Variants in ARHGAP44 observed in about 807,000 individuals in gnomAD.
ARHGAP44 encodes the protein rho GTPase-activating protein 44.
ARHGAP44 carries 43 observed loss-of-function variants against 106.8 expected under a neutral mutation model. The ratio of observed to expected loss-of-function variants is 0.40; its 90% confidence interval spans 0.32 to 0.52. ARHGAP44 has a LOEUF of 0.52. Ranked by LOEUF, ARHGAP44 falls within the 20% of genes least tolerant of loss-of-function variation. ARHGAP44 has a pLI of 0.48. For missense variants in ARHGAP44, 866 were observed against 1,050.5 expected (o/e 0.82, Z 2.43); for synonymous variants, 439 against 410.3 (o/e 1.07, Z -0.85).
At chr17:12,939,767 A>G (rs917067597) in intron 7 of ARHGAP44, among the ~76,000 whole-genome samples, 5 of 152,190 alleles carry the variant, frequency 3.3e-5, no homozygotes, top group Non-Finnish European at 5.9e-5. Flanking sequence ...CGCCCGGCCA[A>G]TGAATCTTAA....
rs72813124 is a variant in ARHGAP44 at position 12,804,732 on chromosome 17, C to G, written c.53+14841C>G. Among the ~76,000 whole-genome samples the G allele has an allele frequency of 6.4e-3, 970 of 152,290 alleles. 4 individuals carry two copies. The highest frequency in any genetic ancestry group is 8.2e-3 in the Non-Finnish European group (557 of 68,032). ...TTTCCATTTATCGAAACTGTTCTTT[C>G]AGATTCAAGAGTGCTGGTTCACACT... On this transcript the variant is annotated intron_variant, in intron 1 of 20. Coordinates refer to ENST00000379672, the MANE Select transcript of ARHGAP44 (RefSeq NM_014859.6).
intron 20 of ARHGAP44, chr17:12,988,448 A>G (rs1221937578): frequency 1.3e-5 from 2 of 152,232 alleles, no homozygotes; most frequent in African/African-American, 4.8e-5. Context: ...GTGTAGAGAC[A>G]TGACCCAAGT....
At chr17:12,843,039 A>T (rs529333328) in intron 1 of ARHGAP44, among the ~76,000 whole-genome samples, 80 of 152,268 alleles carry the variant, frequency 5.3e-4, no homozygotes, top group African/African-American at 1.7e-3. Context: ...TCCCATTCAT[A>T]TAGCTCTCCT....
At chr17:12,811,793 A>T (rs1254190420) in intron 1 of ARHGAP44, among the ~76,000 whole-genome samples, 1 of 152,158 alleles carries the variant, frequency 6.6e-6, no homozygotes, top group African/African-American at 2.4e-5. Flanking sequence ...TGTTTGGCTT[A>T]TAGGCACATT....
At chr17:12,985,142 C>G (rs890429629) in intron 20 of ARHGAP44, 3 of 515,432 alleles carry the variant, frequency 5.8e-6, no homozygotes, top group Non-Finnish European at 1.0e-5. Context: ...GGTCTAAGCC[C>G]ACCAGCCTGG....
At chr17:12,905,013 T>G (rs2037505098) in intron 3 of ARHGAP44, among the ~76,000 whole-genome samples, 1 of 151,834 alleles carries the variant, frequency 6.6e-6, no homozygotes, top group Non-Finnish European at 1.5e-5. Flanking sequence ...GCAATTCTCC[T>G]GCCTCAGCCT....
Position 12,949,565 on chromosome 17 carries a change from G to A in ARHGAP44, c.974-84G>A. 1 of 1,313,660 alleles carries A rather than the reference G, an allele frequency of 7.6e-7. No homozygotes were observed. Among genetic ancestry groups the A allele is most frequent in the Non-Finnish European group, 1.1e-6 (1 of 927,746 alleles). 81.4% of individuals were successfully genotyped at this position (1,313,660 alleles called of 1,614,324 possible). A position where few individuals can be genotyped will look rare whatever the true frequency, so the allele number is the denominator to read the frequency against. ...TGGTCAGGAGGCCCATCCCCAGATG[G>A]AACCCACATAGGCAGTGCTGGCTGG... On this transcript the variant is annotated intron_variant, in intron 11 of 20. Transcript: ENST00000379672. This position sits in a 1 kb window ranked among gnomAD's most constrained non-coding sequence, Gnocchi z 4.1.
chr17:12,965,042 G>C (rs1189047796), intron 16 of ARHGAP44, among the ~76,000 whole-genome samples: 1 of 152,072 alleles, frequency 6.6e-6, no homozygotes, highest in Non-Finnish European at 1.5e-5. Context: ...TTGCCTGCTG[G>C]CTTGTCCATC....
At chr17:12,884,770 A>G (rs1357223933) in intron 1 of ARHGAP44, among the ~76,000 whole-genome samples, 1 of 152,134 alleles carries the variant, frequency 6.6e-6, no homozygotes, top group African/African-American at 2.4e-5. Flanking sequence ...TGCCTTATAA[A>G]TGAAATCATT....
chr17:12,990,943 T>A lies in ARHGAP44; in HGVS notation c.*772T>A, dbSNP rs1230082344. 6.6e-6 allele frequency: 1 copy of A among 152,532 alleles called. No individual in the cohort carries two copies. The highest frequency in any genetic ancestry group is 1.5e-5 in the Non-Finnish European group (1 of 68,024). 9.4% of individuals were successfully genotyped at this position (152,532 alleles called of 1,614,324 possible). On this transcript the variant is annotated 3_prime_UTR_variant, in exon 21 of 21. Coordinates refer to ENST00000379672, the MANE Select transcript of ARHGAP44 (RefSeq NM_014859.6). ...CCCAAATATATTGGCTATATGAGAGTAATTTTACCCCTCTACGTACCTAAA... is the reference window on the plus strand; with the variant it reads ...CCCAAATATATTGGCTATATGAGAGAAATTTTACCCCTCTACGTACCTAAA...
At position 12,977,084 on chromosome 17, in the gene ARHGAP44, C is replaced by A. The variant is rs551684600; in HGVS notation, c.1763+2774C>A. 8.5e-5 allele frequency among the ~76,000 whole-genome samples: 13 copies of A among 152,128 alleles called. No individual in the cohort carries two copies. The South Asian group carries it at 2.7e-3, about 32-fold the overall frequency. On this transcript the variant is annotated intron_variant, in intron 18 of 20. Transcript: ENST00000379672. ...GGAACATTCTCGGTGGGTGACCTTG[C>A]AGAGTTACTTGTGGGCAGGCAATGG...
intron 1 of ARHGAP44, among the ~76,000 whole-genome samples, chr17:12,875,997 T>G (rs1166578413): frequency 6.6e-6 from 1 of 152,240 alleles, no homozygotes; most frequent in Non-Finnish European, 1.5e-5. Flanking sequence ...TATTCCATCA[T>G]GTGGGTCACA....
At chr17:12,947,531 G>T (rs1012229222) in intron 10 of ARHGAP44, among the ~76,000 whole-genome samples, 2 of 152,082 alleles carry the variant, frequency 1.3e-5, no homozygotes, top group African/African-American at 4.8e-5. Context: ...GGCTTCACTC[G>T]TGCTCACTGC....
At chr17:12,977,849 C>G (rs765974250) in intron 18 of ARHGAP44, among the ~76,000 whole-genome samples, 2 of 151,934 alleles carry the variant, frequency 1.3e-5, no homozygotes, top group Non-Finnish European at 2.9e-5. Flanking sequence ...GCCATCCTGG[C>G]CAACATGGTG....
intron 1 of ARHGAP44, among the ~76,000 whole-genome samples, chr17:12,852,507 A>G (rs1490517702): frequency 6.8e-6 from 1 of 147,922 alleles, no homozygotes; most frequent in African/African-American, 2.5e-5. Flanking sequence ...GAAAATATAC[A>G]TATATTTCTT....
At chr17:12,960,432 G>T (rs980613291) in intron 16 of ARHGAP44, among the ~76,000 whole-genome samples, 39 of 151,990 alleles carry the variant, frequency 2.6e-4, no homozygotes, top group Non-Finnish European at 2.2e-4. Flanking sequence ...CGGGAGTGGT[G>T]GCACGCACTT....
Position 12,974,280 on chromosome 17 carries a change from T to C in ARHGAP44, c.1733T>C (p.Leu578Pro), listed in dbSNP as rs1271746752. ...GCCCCCGCGCTCTCTCCATCCGGCCTGGGCCTCCAGCCTGGGCCCGAGCGC... is the reference window on the plus strand; with the variant it reads ...GCCCCCGCGCTCTCTCCATCCGGCCCGGGCCTCCAGCCTGGGCCCGAGCGC... Reference protein sequence around the residue: ...PAAPALSPSGLGLQPGPERTS... With the variant: ...PAAPALSPSGPGLQPGPERTS... The change falls in exon 18 of 21, where the codon CTG becomes CCG. Residue 578 changes from leucine to proline, a missense_variant. Around this residue, in one of 2 missense-constraint regions of ARHGAP44, gnomAD observed 418 missense variants for 403.6 expected, o/e 1.04. Coordinates refer to ENST00000379672, the MANE Select transcript of ARHGAP44 (RefSeq NM_014859.6). 6 of 1,480,716 alleles carry C rather than the reference T, an allele frequency of 4.1e-6. No homozygotes were observed. The highest frequency in any genetic ancestry group is 1.5e-5 in the African/African-American group (1 of 67,990). 91.7% of individuals were successfully genotyped at this position (1,480,716 alleles called of 1,614,324 possible).
At chr17:12,840,040 G>T (rs888080630) in intron 1 of ARHGAP44, among the ~76,000 whole-genome samples, 1 of 152,114 alleles carries the variant, frequency 6.6e-6, no homozygotes, top group Admixed American at 6.5e-5. Context: ...TGAAACACCA[G>T]TGTACATTTT....
In ARHGAP44 at chr17:12,990,512, G is replaced by T; in HGVS notation, c.*341G>T. 1 of 223,736 alleles carries T rather than the reference G, an allele frequency of 4.5e-6. No homozygotes were observed. Among genetic ancestry groups the T allele is most frequent in the East Asian group, 9.1e-5 (1 of 10,988 alleles). The allele number at this position is 223,736 out of a possible 1,614,324, so 13.9% of individuals were successfully genotyped here. On this transcript the variant is annotated 3_prime_UTR_variant, in exon 21 of 21. Transcript: ENST00000379672. Reference sequence around the variant, plus strand: ...GAACGTCCTTTGCAGGGTCGGGGTGGTGCGGGAGAGGCTCACTTTGCCTGG... The same window carrying T: ...GAACGTCCTTTGCAGGGTCGGGGTGTTGCGGGAGAGGCTCACTTTGCCTGG...
Sources: gnomAD v4.1 joint callset for allele counts (sites outside exome capture counted in the v4.1 genomes callset) on GRCh38, gnomAD v4.1.1 for gene constraint, gnomAD v4.1.1 regional missense constraint, Gnocchi (gnomAD v3.1) non-coding constraint, MANE v1.5 for transcripts, NCBI Gene and HGNC (gene_info 2026-07-23, HGNC 2026-07-21) for gene names.